Variants in TRHDE observed in about 807,000 individuals in gnomAD.
TRHDE encodes thyrotropin-releasing hormone-degrading ectoenzyme.
In TRHDE, 72 loss-of-function variants were observed where a neutral mutation model predicts 125.7. The observed-to-expected ratio is 0.57, with a 90% CI of 0.47 to 0.70. The LOEUF (loss-of-function observed/expected upper bound fraction) is 0.70. Ranked by LOEUF, TRHDE falls within the 30% of genes least tolerant of loss-of-function variation. TRHDE has a pLI of 0.00. For synonymous variants in TRHDE, 509 were observed against 509.1 expected, an observed-to-expected ratio of 1.00 and a Z score of 0.00; for missense variants, 1,110 against 1,327.1, an observed-to-expected ratio of 0.84 and a Z score of 2.54.
chr12:72,174,068 G>A (rs760039890), intron 2 of TRHDE, among the ~76,000 whole-genome samples: 2 of 152,104 alleles, frequency 1.3e-5, no homozygotes, highest in Non-Finnish European at 2.9e-5. Flanking sequence ...AATATTAAAC[G>A]TTGATGTAAG....
chr12:72,448,061 T>A (rs1875386437), intron 3 of TRHDE, among the ~76,000 whole-genome samples: 1 of 152,104 alleles, frequency 6.6e-6, no homozygotes, highest in Non-Finnish European at 1.5e-5. Context: ...TCATAAGTCA[T>A]CTCTTTACAA....
intron 2 of TRHDE, among the ~76,000 whole-genome samples, chr12:72,347,563 G>A (rs56828687): frequency 0.045 from 6,850 of 152,012 alleles, 520 homozygotes; most frequent in African/African-American, 0.15. Flanking sequence ...CAGTCATCTC[G>A]GTTCACCATT....
At chr12:72,649,781 G>GA (rs1467999781) in intron 15 of TRHDE, among the ~76,000 whole-genome samples, 2 of 151,852 alleles carry the variant, frequency 1.3e-5, no homozygotes, top group African/African-American at 2.4e-5. Flanking sequence ...ACAGCTATGT[G>GA]AAAAAAAGTC....
intron 2 of TRHDE, among the ~76,000 whole-genome samples, chr12:72,182,271 T>C (rs1877109859): frequency 6.6e-6 from 1 of 152,220 alleles, no homozygotes; most frequent in African/African-American, 2.4e-5. Flanking sequence ...ACAACAGGGA[T>C]GGACAGTTGA....
At chr12:72,143,538 A>C (rs1876163854) in intron 2 of TRHDE, among the ~76,000 whole-genome samples, 1 of 151,992 alleles carries the variant, frequency 6.6e-6, no homozygotes, top group African/African-American at 2.4e-5. Context: ...GTAATGCTGG[A>C]GTAGCAGGAG....
chr12:72,394,984 T>C (rs954195939), intron 3 of TRHDE, among the ~76,000 whole-genome samples: 1 of 152,218 alleles, frequency 6.6e-6, no homozygotes, highest in Admixed American at 6.5e-5. Flanking sequence ...TATGTATACA[T>C]TGTGGAATGT....
At chr12:72,620,062 A>G (rs1872980832) in intron 13 of TRHDE, among the ~76,000 whole-genome samples, 1 of 152,104 alleles carries the variant, frequency 6.6e-6, no homozygotes, top group Non-Finnish European at 1.5e-5. Context: ...GGGTCATTAC[A>G]GTTATGATAC....
intron 15 of TRHDE, among the ~76,000 whole-genome samples, chr12:72,640,264 C>T (rs1335677990): frequency 2.2e-4 from 33 of 152,356 alleles, no homozygotes; most frequent in Admixed American, 2.0e-4. Flanking sequence ...GTGACCCGAT[C>T]TTCCAGGTGC....
At chr12:72,569,503 T>C (rs908740251) in intron 10 of TRHDE, among the ~76,000 whole-genome samples, 1 of 152,188 alleles carries the variant, frequency 6.6e-6, no homozygotes, top group Non-Finnish European at 1.5e-5. Context: ...GGGTGAGGTA[T>C]AAATAAATAA....
Position 72,286,892 on chromosome 12 carries a change from T to C in TRHDE, c.1126T>C (p.Tyr376His). ...FSQTPLMSTYYLAWAICNFTY... is the reference protein window; with the variant it reads ...FSQTPLMSTYHLAWAICNFTY... ...ACAGACCCCTCTCATGTCCACATAT[T>C]ATTTAGCCTGGGCAATTTGCAACTT... Residue 376 changes from tyrosine to histidine, a missense_variant, in exon 2 of 19, where the codon TAT (tyrosine) becomes CAT (histidine). This residue lies in a region of TRHDE where 252 missense variants were observed against 274.8 expected (regional missense o/e 0.92). Coordinates refer to ENST00000261180, the MANE Select transcript of TRHDE (RefSeq NM_013381.3). The C allele has an allele frequency of 1.2e-6, 2 of 1,614,050 alleles. No homozygotes were observed. Among genetic ancestry groups the C allele is most frequent in the Non-Finnish European group, 1.7e-6 (2 of 1,179,988 alleles).
intron 1 of TRHDE, among the ~76,000 whole-genome samples, chr12:72,095,269 A>T (rs540570445): frequency 2.0e-5 from 3 of 152,362 alleles, no homozygotes; most frequent in South Asian, 4.1e-4. Flanking sequence ...TCAGCAGCAC[A>T]TGTCCTACTT....
intron 2 of TRHDE, among the ~76,000 whole-genome samples, chr12:72,106,709 A>G (rs1166153174): frequency 6.6e-6 from 1 of 152,140 alleles, no homozygotes. Context: ...TTGTAAAAGC[A>G]TTGATAATTT....
At chr12:72,491,124 T>G (rs1380932737) in intron 5 of TRHDE, among the ~76,000 whole-genome samples, 1 of 151,850 alleles carries the variant, frequency 6.6e-6, no homozygotes, top group Non-Finnish European at 1.5e-5. Context: ...TAATATTTAT[T>G]AAAAAGAATA....
intron 15 of TRHDE, among the ~76,000 whole-genome samples, chr12:72,645,248 T>C (rs1874234740): frequency 6.6e-6 from 1 of 152,066 alleles, no homozygotes; most frequent in Non-Finnish European, 1.5e-5. Context: ...AAAATGATAA[T>C]TTAAACAAGG....
chr12:72,296,282 A>T (rs981343700), intron 2 of TRHDE, among the ~76,000 whole-genome samples: 1 of 152,226 alleles, frequency 6.6e-6, no homozygotes, highest in African/African-American at 2.4e-5. Flanking sequence ...ACCAATATTG[A>T]AATAAAAATA....
intron 15 of TRHDE, among the ~76,000 whole-genome samples, chr12:72,633,436 T>A (rs1465543665): frequency 6.6e-6 from 1 of 152,142 alleles, no homozygotes; most frequent in South Asian, 2.1e-4. Flanking sequence ...CACAGGGCCA[T>A]TGCAGACTGT....
intron 2 of TRHDE, among the ~76,000 whole-genome samples, chr12:72,325,014 G>A (rs568906564): frequency 6.6e-6 from 1 of 152,026 alleles, no homozygotes; most frequent in South Asian, 2.1e-4. Context: ...GTGAGCTTTT[G>A]AGCCAAAATG....
At chr12:72,220,933 T>C (rs1877987306) in intron 2 of TRHDE, among the ~76,000 whole-genome samples, 1 of 152,118 alleles carries the variant, frequency 6.6e-6, no homozygotes, top group South Asian at 2.1e-4. Context: ...ATAACAACTT[T>C]TATTTTTTTA....
intron 2 of TRHDE, among the ~76,000 whole-genome samples, chr12:72,158,805 C>T (rs1004654836): frequency 1.3e-5 from 2 of 152,182 alleles, no homozygotes; most frequent in South Asian, 4.1e-4. Flanking sequence ...CATTTTCTGA[C>T]TTCATGAACA....
Sources: gnomAD v4.1 joint callset for allele counts (sites outside exome capture counted in the v4.1 genomes callset) on GRCh38, gnomAD v4.1.1 for gene constraint, gnomAD v4.1.1 regional missense constraint, MANE v1.5 for transcripts, NCBI Gene and HGNC (gene_info 2026-07-23, HGNC 2026-07-21) for gene names.